The following FUT9 variants were observed in gnomAD, a reference collection of about 807,000 sequenced individuals.
FUT9 encodes fucosyltransferase 9.
In FUT9, 15 loss-of-function variants were observed where a neutral mutation model predicts 29.7. The ratio of observed to expected loss-of-function variants is 0.51; its 90% CI spans 0.34 to 0.78. FUT9 has a LOEUF of 0.78. Ranked by LOEUF, FUT9 falls within the 30% of genes least tolerant of loss-of-function variation. The pLI is 0.01. For synonymous variants in FUT9, 169 were observed against 153.7 expected (o/e 1.10, Z -0.74); for missense variants, 319 against 425.4 (o/e 0.75, Z 2.20).
chr6:96,103,048 G>GT lies in FUT9; in HGVS notation c.-97-10990dup, dbSNP rs528861673. Among the ~76,000 whole-genome samples the GT allele has an allele frequency of 2.6e-5, 4 of 152,284 alleles. No homozygotes were observed. In the South Asian group the frequency reaches 8.3e-4, roughly 32 times the overall value. The stretch of plus-strand genomic sequence containing the variant: ...GGTCTTGGGCTATGGGAAAATAGCA[G>GT]TCAGAAATAGACTTTCAGGACTTCA... On this transcript the variant is annotated intron_variant, in intron 1 of 2. Transcript: ENST00000302103.
chr6:96,122,795 C>T (rs920067427), intron 2 of FUT9, among the ~76,000 whole-genome samples: 1 of 151,964 alleles, frequency 6.6e-6, no homozygotes, highest in Non-Finnish European at 1.5e-5. Flanking sequence ...GCCTGTAATT[C>T]CAGCACTTTG....
chr6:96,019,846 T>A (rs150431683), intron 1 of FUT9, among the ~76,000 whole-genome samples: 116 of 152,258 alleles, frequency 7.6e-4, no homozygotes, highest in Non-Finnish European at 1.5e-3. Context: ...AATGACTTGC[T>A]CAAAGTTTCA....
intron 1 of FUT9, among the ~76,000 whole-genome samples, chr6:96,072,718 G>A (rs1047791943): frequency 6.6e-6 from 1 of 152,114 alleles, no homozygotes; most frequent in Non-Finnish European, 1.5e-5. Flanking sequence ...TAATTCATTA[G>A]TGAAAGAAGA....
chr6:96,097,436 A>T (rs1346856118), intron 1 of FUT9, among the ~76,000 whole-genome samples: 2 of 152,156 alleles, frequency 1.3e-5, no homozygotes, highest in Admixed American at 6.5e-5. Flanking sequence ...AGGGTTTATT[A>T]AATATGTACC....
chr6:96,148,064 G>C (rs1039640538), intron 2 of FUT9, among the ~76,000 whole-genome samples: 2 of 151,778 alleles, frequency 1.3e-5, no homozygotes, highest in South Asian at 4.2e-4. Context: ...TTGAAACTGG[G>C]CAGCCCATGT....
intron 1 of FUT9, among the ~76,000 whole-genome samples, chr6:96,049,487 C>T (rs867921750): frequency 2.0e-5 from 3 of 152,230 alleles, no homozygotes; most frequent in Admixed American, 2.0e-4. Context: ...CTCTTTCTTA[C>T]ATCTTCCACA....
chr6:96,144,238 A>G (rs1582264690), intron 2 of FUT9, among the ~76,000 whole-genome samples: 1 of 151,558 alleles, frequency 6.6e-6, no homozygotes, highest in Non-Finnish European at 1.5e-5. Context: ...TTTTTTTCCA[A>G]TTAGTTGAAC....
At chr6:96,060,053 C>A (rs966455907) in intron 1 of FUT9, among the ~76,000 whole-genome samples, 28 of 152,092 alleles carry the variant, frequency 1.8e-4, no homozygotes, top group African/African-American at 6.5e-4. Context: ...AGAACAATCG[C>A]CTACTTTCTT....
intron 2 of FUT9, among the ~76,000 whole-genome samples, chr6:96,146,511 C>A (rs1008418028): frequency 6.6e-6 from 1 of 152,066 alleles, no homozygotes; most frequent in African/African-American, 2.4e-5. Context: ...CTGTACTTCC[C>A]AGGAATTTAA....
chr6:96,083,809 G>T (rs910496773), intron 1 of FUT9, among the ~76,000 whole-genome samples: 7 of 151,996 alleles, frequency 4.6e-5, no homozygotes, highest in African/African-American at 1.7e-4. Flanking sequence ...TACTGCGTTC[G>T]ATATAATAGC....
intron 1 of FUT9, among the ~76,000 whole-genome samples, chr6:96,087,766 G>A (rs1582220588): frequency 6.6e-6 from 1 of 152,290 alleles, no homozygotes; most frequent in East Asian, 1.9e-4. Flanking sequence ...GCTCTAAACA[G>A]TAAATGTTCT....
chr6:96,175,199 T>C (rs989003340), intron 2 of FUT9, among the ~76,000 whole-genome samples: 1 of 152,098 alleles, frequency 6.6e-6, no homozygotes, highest in Admixed American at 6.6e-5. Context: ...TTACCAGACA[T>C]TACAGTTTAG....
chr6:96,124,153 C>CTTTTTTTTTTTTTTTT (rs35122970), intron 2 of FUT9, among the ~76,000 whole-genome samples: 2 of 125,062 alleles, frequency 1.6e-5, no homozygotes, highest in Non-Finnish European at 3.3e-5. Context: ...TTTCTTTTTT[C>CTTTTTTTTTTTTTTTT]TTTTTTTTTT....
In FUT9 at chr6:96,203,996, A is replaced by G. The variant is rs1263768962; in HGVS notation, c.841A>G (p.Ile281Val). 6.2e-7 allele frequency: 1 copy of G among 1,610,592 alleles called. No individual in the cohort carries two copies. The highest frequency in any genetic ancestry group is 2.2e-5 in the East Asian group (1 of 44,842). ...GPSRENYENY[I>V]PADSFIHVED... is the part of the protein sequence containing the mutation. ...ATCTAGGGAAAACTATGAGAATTAT[A>G]TTCCAGCAGATTCATTCATTCATGT... The change falls in exon 3 of 3, where the codon ATT (isoleucine) becomes GTT (valine). Residue 281 changes from isoleucine (I) to valine (V), a missense_variant. Coordinates refer to ENST00000302103, the MANE Select transcript of FUT9 (RefSeq NM_006581.4).
At chr6:96,018,446 A>G (rs1416984958) in intron 1 of FUT9, among the ~76,000 whole-genome samples, 2 of 152,160 alleles carry the variant, frequency 1.3e-5, no homozygotes, top group African/African-American at 4.8e-5. Flanking sequence ...ATTTCTATAA[A>G]GAATTATGGT....
chr6:96,023,056 A>G (rs1360630269), intron 1 of FUT9, among the ~76,000 whole-genome samples: 1 of 151,916 alleles, frequency 6.6e-6, no homozygotes, highest in Non-Finnish European at 1.5e-5. Flanking sequence ...CTACTAACAC[A>G]GTGTGTTGGT....
chr6:96,050,040 G>A (rs1357277267), intron 1 of FUT9, among the ~76,000 whole-genome samples: 2 of 152,076 alleles, frequency 1.3e-5, no homozygotes, highest in East Asian at 1.9e-4. Context: ...AAGGCATCTC[G>A]AAGGCCATGT....
intron 1 of FUT9, among the ~76,000 whole-genome samples, chr6:96,017,566 T>C (rs966918032): frequency 2.0e-5 from 3 of 152,184 alleles, no homozygotes; most frequent in African/African-American, 4.8e-5. Flanking sequence ...ACAAAATTTA[T>C]GGTTTAATAT....
chr6:96,152,227 C>T (rs1008207500), intron 2 of FUT9, among the ~76,000 whole-genome samples: 1 of 152,178 alleles, frequency 6.6e-6, no homozygotes, highest in African/African-American at 2.4e-5. Flanking sequence ...CTATTACACG[C>T]TGTATATGCT....
Sources: allele counts gnomAD v4.1 joint callset (sites outside exome capture counted in the v4.1 genomes callset), GRCh38; gene constraint gnomAD v4.1.1; transcripts MANE v1.5; gene names NCBI Gene and HGNC (gene_info 2026-07-23, HGNC 2026-07-21).